The following KIF24 variants were observed in gnomAD, a reference collection of about 807,000 sequenced individuals.
KIF24 encodes kinesin family member 24.
Under a neutral mutation model 118.9 loss-of-function variants are expected in KIF24, and 81 were observed. The observed-to-expected ratio is 0.68, with a 90% CI of 0.57 to 0.82. The LOEUF is 0.82. KIF24 is among the 40% of genes least tolerant of loss of function. The pLI is 0.00. For missense variants in KIF24, 1,560 were observed against 1,661.6 expected, an observed-to-expected ratio of 0.94 and a Z score of 1.06; for synonymous variants, 599 against 610.0, an observed-to-expected ratio of 0.98 and a Z score of 0.27.
Position 34,318,338 on chromosome 9 carries a change from CAG to C in KIF24, c.-25-6969_-25-6968del. The C allele has an allele frequency of 1.2e-5, 7 of 578,724 alleles. No individual in the cohort carries two copies. Among genetic ancestry groups the C allele is most frequent in the African/African-American group, 1.9e-5 (1 of 54,048 alleles). The allele number at this position is 578,724 out of a possible 1,614,324, so 35.8% of individuals were successfully genotyped here. ...GTCTTGGAGCCAGCCCAGCCCAACCCAGCCCAACCCAGCTTGACCTAGCCCTG... is the reference window on the plus strand; with the variant it reads ...GTCTTGGAGCCAGCCCAGCCCAACCCCCCAACCCAGCTTGACCTAGCCCTG... On this transcript the variant is annotated intron_variant, in intron 1 of 12. Transcript: ENST00000402558. This position sits in a 1 kb window ranked among gnomAD's most constrained non-coding sequence, Gnocchi z 4.9.
In KIF24 at chr9:34,271,772, A is replaced by T; in HGVS notation, c.1337+37T>A. 1.2e-6 allele frequency: 2 copies of T among 1,607,598 alleles called. 1 individual carries two copies. Among genetic ancestry groups the T allele is most frequent in the Admixed American group, 3.4e-5 (2 of 58,930 alleles). ...ATACTTCAAAGTCACATTAAAGGAA[A>T]GGCAGACAATGTAACTCCCTGATAT... On this transcript the variant is annotated intron_variant, in intron 7 of 12. Transcript: ENST00000402558.
chr9:34,295,417 C>G (rs35227704), intron 4 of KIF24, among the ~76,000 whole-genome samples: 72,174 of 151,992 alleles, frequency 0.47, 20,093 homozygotes, highest in South Asian at 0.64. Flanking sequence ...TGGCTCACAC[C>G]TATAATCCTA....
intron 12 of KIF24, among the ~76,000 whole-genome samples, 167 bp from the exon 13 acceptor site, chr9:34,254,687 T>G (rs1354790606): frequency 6.6e-6 from 1 of 152,098 alleles, no homozygotes; most frequent in Non-Finnish European, 1.5e-5. Context: ...CCTGCTGCTC[T>G]GCATTCGAGA....
At chr9:34,279,661 T>C (rs1309807984) in intron 6 of KIF24, among the ~76,000 whole-genome samples, 1 of 152,206 alleles carries the variant, frequency 6.6e-6, no homozygotes, top group East Asian at 1.9e-4. Flanking sequence ...CATGCCTGAG[T>C]AATCCTGAGG....
At chr9:34,262,675 A>AAAAAT (rs1554659805) in intron 9 of KIF24, among the ~76,000 whole-genome samples, 1 of 27,060 alleles carries the variant, frequency 3.7e-5, no homozygotes, top group African/African-American at 1.8e-4. Context: ...AAAAAAAAAA[A>AAAAAT]ATATATATAT....
chr9:34,318,716 G>A lies in KIF24; in HGVS notation c.-25-7345C>T, dbSNP rs1051562139. 26 of 1,508,464 alleles carry A rather than the reference G, an allele frequency of 1.7e-5. No homozygotes were observed. Among genetic ancestry groups the A allele is most frequent in the South Asian group, 2.3e-5 (2 of 85,894 alleles). 93.4% of individuals were successfully genotyped at this position (1,508,464 alleles called of 1,614,324 possible). A position where few individuals can be genotyped will look rare whatever the true frequency, so the allele number is the denominator to read the frequency against. The stretch of plus-strand genomic sequence containing the variant: ...GCTGAGTGCCAAGCAGCTGAGCGAC[G>A]AGGAGGTGCACGCCGGCGTGGGCGA... On this transcript the variant is annotated intron_variant, in intron 1 of 12. Transcript: ENST00000402558. This position sits in a 1 kb window ranked among gnomAD's most constrained non-coding sequence, Gnocchi z 4.9.
intron 2 of KIF24, among the ~76,000 whole-genome samples, chr9:34,309,815 A>G (rs1001159914): frequency 6.6e-5 from 10 of 152,252 alleles, no homozygotes; most frequent in African/African-American, 2.4e-4. Flanking sequence ...ACTGATTATG[A>G]GATCTTCTGA....
At chr9:34,304,879 T>C (rs899101644) in intron 3 of KIF24, among the ~76,000 whole-genome samples, 1 of 152,212 alleles carries the variant, frequency 6.6e-6, no homozygotes, top group African/African-American at 2.4e-5. Flanking sequence ...CTAAGGTGAA[T>C]TGCTAGCATA....
chr9:34,297,108 A>G lies in KIF24; in HGVS notation c.820T>C (p.Phe274Leu). Reference sequence around the variant, plus strand: ...TCACCAAAGACTTCATCAAAATAAAAAACATGCTGAAAAATAAATTTGATT... The same window carrying G: ...TCACCAAAGACTTCATCAAAATAAAGAACATGCTGAAAAATAAATTTGATT... ...DLTQYILQHV[F>L]YFDEVFGEAC... The change falls in exon 4 of 13, where the codon TTT becomes CTT. Residue 274 changes from phenylalanine to leucine, a missense_variant. Physicochemically the swap from Phe to Leu is conservative, Grantham distance 22. Around this residue, in one of 3 missense-constraint regions of KIF24, gnomAD observed 964 missense variants for 988.0 expected, o/e 0.98. Coordinates refer to ENST00000402558, the MANE Select transcript of KIF24 (RefSeq NM_194313.4). 1 of 1,546,570 alleles carries G rather than the reference A, an allele frequency of 6.5e-7. No individual in the cohort carries two copies. Among genetic ancestry groups the G allele is most frequent in the Non-Finnish European group, 8.8e-7 (1 of 1,134,390 alleles).
intron 4 of KIF24, among the ~76,000 whole-genome samples, chr9:34,296,262 C>T (rs1442259887): frequency 7.2e-6 from 1 of 139,656 alleles, no homozygotes; most frequent in Admixed American, 7.4e-5. Flanking sequence ...CGTGGTGGCT[C>T]ACGCCTGTAA....
chr9:34,316,361 T>C (rs1205740245), intron 1 of KIF24, among the ~76,000 whole-genome samples: 1 of 151,908 alleles, frequency 6.6e-6, no homozygotes, highest in Non-Finnish European at 1.5e-5. Context: ...AGTTCCATTA[T>C]GTCTACTGTT....
chr9:34,256,864 C>T lies in KIF24; in HGVS notation c.2743G>A (p.Gly915Arg), dbSNP rs1299522580. 6.2e-7 allele frequency: 1 copy of T among 1,613,862 alleles called. No homozygotes were observed. Among genetic ancestry groups the T allele is most frequent in the African/African-American group, 1.3e-5 (1 of 74,928 alleles). The change falls in exon 11 of 13, where the codon GGG becomes AGG. Residue 915 changes from glycine to arginine, a missense_variant. Physicochemically the swap from Gly to Arg is moderately radical, Grantham distance 125. Coordinates refer to ENST00000402558, the MANE Select transcript of KIF24 (RefSeq NM_194313.4). Reference protein sequence around the residue: ...ALDHSCSPSKGPVDWSRENST... With the variant: ...ALDHSCSPSKRPVDWSRENST... Reference sequence around the variant, plus strand: ...TTCTCTCTGCTCCAGTCCACGGGCCCCTTACTTGGGCTGCAGCTGTGATCG... The same window carrying T: ...TTCTCTCTGCTCCAGTCCACGGGCCTCTTACTTGGGCTGCAGCTGTGATCG...
chr9:34,314,070 C>G (rs1055751013), intron 1 of KIF24, among the ~76,000 whole-genome samples: 1 of 151,642 alleles, frequency 6.6e-6, no homozygotes, highest in African/African-American at 2.4e-5. Flanking sequence ...TATGCTTCTG[C>G]GTACCACATT....
Position 34,286,661 on chromosome 9 carries a change from C to G in KIF24, c.1171G>C (p.Gly391Arg), listed in dbSNP as rs748448703. 10 of 1,613,622 alleles carry G rather than the reference C, an allele frequency of 6.2e-6. No homozygotes were observed. The highest frequency in any genetic ancestry group is 7.6e-6 in the Non-Finnish European group (9 of 1,179,618). Residue 391 changes from glycine to arginine, a missense_variant, in exon 6 of 13, where the codon GGA (glycine) becomes CGA (arginine). By Grantham distance (125) the Gly-to-Arg change is moderately radical (BLOSUM62 -2). This residue lies in a region of KIF24 where 964 missense variants were observed against 988.0 expected (regional missense o/e 0.98). Transcript: ENST00000402558. The part of the protein sequence containing the change: ...EDSKHMVQIV[G>R]LQELQVDSVE... ...CTGTCCACCTGAAGCTCTTGCAGTC[C>G]CACTATCTGCACCATGTGCTTGCTA...
intron 11 of KIF24, among the ~76,000 whole-genome samples, 169 bp from the exon 12 acceptor site, chr9:34,255,334 A>C (rs1220000708): frequency 6.6e-6 from 1 of 151,962 alleles, no homozygotes; most frequent in African/African-American, 2.4e-5. Flanking sequence ...GCTCTTTCTC[A>C]GGATTAGGTA....
chr9:34,288,931 A>C (rs1836153130), intron 5 of KIF24, among the ~76,000 whole-genome samples: 1 of 151,084 alleles, frequency 6.6e-6, no homozygotes, highest in South Asian at 2.1e-4. Context: ...TTGTTCTTTA[A>C]GGGAAGTGGG....
chr9:34,299,623 A>AG (rs1836616541), intron 3 of KIF24, among the ~76,000 whole-genome samples: 1 of 152,170 alleles, frequency 6.6e-6, no homozygotes, highest in African/African-American at 2.4e-5. Flanking sequence ...CACTTAGAAT[A>AG]GGTAACCCCA....
chr9:34,315,200 T>C (rs1837293897), intron 1 of KIF24, among the ~76,000 whole-genome samples: 1 of 152,124 alleles, frequency 6.6e-6, no homozygotes, highest in South Asian at 2.1e-4. Context: ...GACTGTATTA[T>C]TTATTTTAAA....
chr9:34,281,289 G>A (rs1251605483), intron 6 of KIF24, among the ~76,000 whole-genome samples: 1 of 152,102 alleles, frequency 6.6e-6, no homozygotes, highest in Admixed American at 6.5e-5. Flanking sequence ...GCCTCCCAAA[G>A]TGCTGGAATT....
Sources: allele counts gnomAD v4.1 joint callset (sites outside exome capture counted in the v4.1 genomes callset), GRCh38; gene constraint gnomAD v4.1.1; regional missense constraint gnomAD v4.1.1; non-coding constraint Gnocchi (gnomAD v3.1); transcripts MANE v1.5; gene names NCBI Gene and HGNC (gene_info 2026-07-23, HGNC 2026-07-21).